Variants in HDAC9 observed in about 807,000 individuals in gnomAD.
HDAC9 encodes MEF-2 interacting transcription repressor (MITR) protein.
A neutral mutation model predicts 139.4 loss-of-function variants in HDAC9; 41 were observed. That is an observed-to-expected ratio of 0.29 (90% CI 0.23 to 0.38). HDAC9 has a LOEUF of 0.38. Ranked by LOEUF, HDAC9 falls within the 10% of genes least tolerant of loss-of-function variation. The pLI is 1.00. For missense variants in HDAC9, 1,147 were observed against 1,297.0 expected (o/e 0.88, Z 1.78); for synonymous variants, 517 against 476.2 (o/e 1.09, Z -1.12).
chr7:18,763,741 C>A (rs1164141883), intron 15 of HDAC9, among the ~76,000 whole-genome samples: 1 of 152,048 alleles, frequency 6.6e-6, no homozygotes, highest in African/African-American at 2.4e-5. Context: ...TCATAATACT[C>A]AAGCATTTAA....
At chr7:18,727,515 C>T (rs1041116722) in intron 12 of HDAC9, 65 bp from the exon 13 acceptor site, 18 of 1,333,990 alleles carry the variant, frequency 1.3e-5, no homozygotes, top group Non-Finnish European at 1.5e-5. Context: ...GTTGACATGT[C>T]GCTCAGTGTC....
intron 2 of HDAC9, among the ~76,000 whole-genome samples, chr7:18,514,109 A>G (rs1283504766): frequency 2.0e-5 from 3 of 152,216 alleles, no homozygotes; most frequent in Non-Finnish European, 2.9e-5. Context: ...ATACCTCAAA[A>G]CAATCTGAGT....
At chr7:18,401,580 C>T (rs1309972340) in intron 1 of HDAC9, among the ~76,000 whole-genome samples, 1 of 152,192 alleles carries the variant, frequency 6.6e-6, no homozygotes, top group African/African-American at 2.4e-5. Flanking sequence ...CTCAATGCCT[C>T]AGCAGAACTG....
chr7:18,844,763 C>G (rs979693518), intron 21 of HDAC9, among the ~76,000 whole-genome samples: 5 of 152,024 alleles, frequency 3.3e-5, no homozygotes, highest in Non-Finnish European at 7.4e-5. Flanking sequence ...GTTTTATTAC[C>G]CAAAGAGATC....
chr7:18,872,760 G>A (rs984580708), intron 21 of HDAC9, among the ~76,000 whole-genome samples: 3 of 152,092 alleles, frequency 2.0e-5, no homozygotes, highest in Non-Finnish European at 4.4e-5. Flanking sequence ...GTAGAGAGAA[G>A]CCTTTATGGA....
At chr7:18,274,189 G>A (rs987813680) in intron 2 of HDAC9, among the ~76,000 whole-genome samples, 1 of 152,140 alleles carries the variant, frequency 6.6e-6, no homozygotes, top group Non-Finnish European at 1.5e-5. Context: ...CATTCTATTA[G>A]TTCATTTTGT....
chr7:18,964,551 C>T (rs1783728350), intron 24 of HDAC9, among the ~76,000 whole-genome samples: 2 of 152,144 alleles, frequency 1.3e-5, no homozygotes, highest in South Asian at 4.1e-4. Context: ...GAGTATATTA[C>T]TCCATTCACA....
At chr7:18,321,698 CTT>C (rs1196423462) in intron 1 of HDAC9, among the ~76,000 whole-genome samples, 2 of 152,062 alleles carry the variant, frequency 1.3e-5, no homozygotes, top group Non-Finnish European at 2.9e-5. Context: ...GAATAATTGC[CTT>C]ATTAGCTTTT....
At chr7:18,981,570 G>A (rs1784951175) in intron 25 of HDAC9, among the ~76,000 whole-genome samples, 1 of 152,126 alleles carries the variant, frequency 6.6e-6, no homozygotes, top group African/African-American at 2.4e-5. Context: ...TCTTCTGGAG[G>A]TTGCCTGCAT....
intron 12 of HDAC9, among the ~76,000 whole-genome samples, chr7:18,670,035 TATA>T (rs1795573745): frequency 6.6e-6 from 1 of 151,784 alleles, no homozygotes; most frequent in South Asian, 2.1e-4. Flanking sequence ...AACAGATAGA[TATA>T]TATAGAGTAT....
intron 22 of HDAC9, among the ~76,000 whole-genome samples, chr7:18,930,413 C>T (rs1804631641): frequency 6.6e-6 from 1 of 151,984 alleles, no homozygotes; most frequent in Non-Finnish European, 1.5e-5. Context: ...AACTTGCAAT[C>T]ATGCCTACTA....
chr7:18,111,051 C>G (rs973435224), intron 1 of HDAC9, among the ~76,000 whole-genome samples: 1 of 152,234 alleles, frequency 6.6e-6, no homozygotes, highest in Admixed American at 6.5e-5. Context: ...TTCATCAGTT[C>G]CTAGAGTAAG....
At chr7:18,924,286 T>A (rs901867552) in intron 22 of HDAC9, among the ~76,000 whole-genome samples, 1 of 152,116 alleles carries the variant, frequency 6.6e-6, no homozygotes, top group Non-Finnish European at 1.5e-5. Flanking sequence ...AAATGTATAA[T>A]AGAAGCTTAT....
intron 15 of HDAC9, among the ~76,000 whole-genome samples, chr7:18,762,698 A>G (rs1789498596): frequency 6.6e-6 from 1 of 152,186 alleles, no homozygotes; most frequent in African/African-American, 2.4e-5. Flanking sequence ...AAATAGTACA[A>G]CTTGTATTAA....
rs553662009 is a variant in HDAC9 at position 18,473,680 on chromosome 7, G to C, written c.-41-22582G>C. 8.5e-5 allele frequency among the ~76,000 whole-genome samples: 13 copies of C among 152,294 alleles called. No individual in the cohort carries two copies. In the South Asian group the frequency reaches 2.3e-3, roughly 27 times the overall value. ...GCAACCCTGAGTTCTTTCCTCAGTA[G>C]CTCTTCTTGGATAGCACACTTAAGT... On this transcript the variant is annotated intron_variant, in intron 1 of 3. Transcript: ENST00000413509.
intron 23 of HDAC9, among the ~76,000 whole-genome samples, chr7:18,951,713 A>G (rs1034376260): frequency 2.0e-5 from 3 of 151,776 alleles, no homozygotes; most frequent in Non-Finnish European, 4.4e-5. Flanking sequence ...TTTACCACAT[A>G]TTCTTATTTT....
intron 25 of HDAC9, among the ~76,000 whole-genome samples, chr7:18,988,123 C>G (rs1255956202): frequency 1.3e-5 from 2 of 152,048 alleles, no homozygotes; most frequent in Non-Finnish European, 2.9e-5. Context: ...TGTGTTTGCT[C>G]TTGCTTTTCT....
chr7:18,252,403 T>C (rs1005277505), intron 2 of HDAC9, among the ~76,000 whole-genome samples: 1 of 152,176 alleles, frequency 6.6e-6, no homozygotes, highest in African/African-American at 2.4e-5. Flanking sequence ...TAGACTTTAA[T>C]GTTTTTATAA....
chr7:18,621,096 G>T (rs1250198186), intron 6 of HDAC9, among the ~76,000 whole-genome samples: 3 of 151,844 alleles, frequency 2.0e-5, no homozygotes, highest in Non-Finnish European at 2.9e-5. Flanking sequence ...TCCTCATAAT[G>T]TATTTTTAAA....
Sources: gnomAD v4.1 joint callset for allele counts (sites outside exome capture counted in the v4.1 genomes callset) on GRCh38, gnomAD v4.1.1 for gene constraint, MANE v1.5 for transcripts, NCBI Gene and HGNC (gene_info 2026-07-23, HGNC 2026-07-21) for gene names.